Variants in OTUB2 observed in about 807,000 individuals in gnomAD.
OTUB2 encodes the protein OTU deubiquitinase, ubiquitin aldehyde binding 2, also known as ubiquitin thioesterase OTUB2.
A neutral mutation model predicts 25.1 loss-of-function variants in OTUB2; 21 were observed. That is an observed-to-expected ratio of 0.84 (90% CI 0.59 to 1.21). OTUB2 has a LOEUF of 1.21. Ranked by LOEUF, OTUB2 falls within the 50% of genes most tolerant of loss-of-function variation. The probability of loss-of-function intolerance (pLI) is 0.00; values close to 1 mark genes in which losing one functional copy is unlikely to be tolerated. For synonymous variants in OTUB2, 122 were observed against 122.8 expected, an observed-to-expected ratio of 0.99 and a Z score of 0.04; for missense variants, 283 against 298.0, an observed-to-expected ratio of 0.95 and a Z score of 0.37.
At chr14:94,034,136 G>A (rs1296888040) in intron 1 of OTUB2, among the ~76,000 whole-genome samples, 1 of 152,218 alleles carries the variant, frequency 6.6e-6, no homozygotes, top group Admixed American at 6.5e-5. Context: ...GCGATCAGAA[G>A]GCTTGAAGGA....
At chr14:94,039,254 G>C (rs894910137) in intron 3 of OTUB2, 173 bp downstream of exon 3, 58 of 610,262 alleles carry the variant, frequency 9.5e-5, no homozygotes, top group Non-Finnish European at 7.2e-5. Context: ...CTGTGGTGAA[G>C]TTGGGGGCAG....
chr14:94,048,140 A>G lies in OTUB2; in HGVS notation c.*2218A>G, dbSNP rs1453357814. ...TGGCAGGCTTTGGCACCTTGTTAAAATTTCTAGTCATCTGTGGATGTTACC... is the reference window on the plus strand; with the variant it reads ...TGGCAGGCTTTGGCACCTTGTTAAAGTTTCTAGTCATCTGTGGATGTTACC... On this transcript the variant is annotated 3_prime_UTR_variant, in exon 6 of 6. Coordinates refer to ENST00000203664, the MANE Select transcript of OTUB2 (RefSeq NM_023112.4). 6.6e-6 allele frequency: 1 copy of G among 152,140 alleles called. No individual in the cohort carries two copies. The highest frequency in any genetic ancestry group is 2.4e-5 in the African/African-American group (1 of 41,412). 9.4% of individuals were successfully genotyped at this position (152,140 alleles called of 1,614,324 possible). A position where few individuals can be genotyped will look rare whatever the true frequency, so the allele number is the denominator to read the frequency against.
At chr14:94,032,112 C>T (rs954146399) in intron 1 of OTUB2, among the ~76,000 whole-genome samples, 2 of 152,146 alleles carry the variant, frequency 1.3e-5, no homozygotes, top group African/African-American at 4.8e-5. Flanking sequence ...GGACCAACTT[C>T]GGCGGACTTG....
In OTUB2 at chr14:94,044,066, C is replaced by T; in HGVS notation, c.303+11C>T. On this transcript the variant is annotated intron_variant, in intron 4 of 5. Coordinates refer to ENST00000203664, the MANE Select transcript of OTUB2 (RefSeq NM_023112.4). ...AACTTCTTCAATGCTGTGAGTTCAC[C>T]TGGTCCCTCCTTCCACACTGGCAGA... 6.2e-7 allele frequency: 1 copy of T among 1,611,874 alleles called. No individual in the cohort carries two copies. The highest frequency in any genetic ancestry group is 1.1e-5 in the South Asian group (1 of 91,026).
intron 3 of OTUB2, among the ~76,000 whole-genome samples, chr14:94,041,766 C>T (rs12431955): frequency 0.075 from 11,436 of 152,266 alleles, 1,273 homozygotes; most frequent in African/African-American, 0.24. Flanking sequence ...TGCCGCCTGA[C>T]GCTGCCTGGG....
chr14:94,029,180 G>A (rs758287707), intron 1 of OTUB2, among the ~76,000 whole-genome samples: 1 of 152,156 alleles, frequency 6.6e-6, no homozygotes, highest in Non-Finnish European at 1.5e-5. Flanking sequence ...TGACTTGGAC[G>A]ACCTCTCTGA....
intron 3 of OTUB2, among the ~76,000 whole-genome samples, chr14:94,043,652 T>C (rs1356362378): frequency 1.3e-5 from 2 of 151,464 alleles, no homozygotes; most frequent in Admixed American, 1.3e-4. Flanking sequence ...TTCAATATTA[T>C]CATGACTGAG....
intron 3 of OTUB2, among the ~76,000 whole-genome samples, chr14:94,042,498 A>C (rs934680774): frequency 4.1e-5 from 2 of 48,282 alleles, no homozygotes; most frequent in African/African-American, 1.4e-4. Context: ...TGGGGGTGGG[A>C]GGGGGGGCAG....
rs549568683 is a variant in OTUB2 at position 94,042,589 on chromosome 14, C to G, written c.219-1382C>G. 2.5e-4 allele frequency among the ~76,000 whole-genome samples: 38 copies of G among 152,296 alleles called. 1 individual carries two copies. Among genetic ancestry groups the G allele is most frequent in the Non-Finnish European group, 4.4e-4 (30 of 68,006 alleles). On this transcript the variant is annotated intron_variant, in intron 3 of 5. Coordinates refer to ENST00000203664, the MANE Select transcript of OTUB2 (RefSeq NM_023112.4). ...AAGAGGGTGCCGGCCCTTGGAGCAG[C>G]CCTGGAGGACTGCAGCTGCTTCCTG...
At position 94,045,790 on chromosome 14, in the gene OTUB2, G is replaced by T. The variant is rs552429905; in HGVS notation, c.573G>T (p.Leu191=). ...TALSQALSIA[L]QVEYVDEMDT... ...TGTCGCAGGCCCTGAGCATTGCCCT[G>T]CAAGTGGAGTACGTGGACGAGATGG... The change falls in exon 6 of 6, where the codon CTG becomes CTT. Residue 191 remains leucine (L), a synonymous_variant. Transcript: ENST00000203664. The T allele has an allele frequency of 2.5e-6, 4 of 1,614,216 alleles. No individual in the cohort carries two copies. The East Asian group carries it at 8.9e-5, about 36-fold the overall frequency.
intron 3 of OTUB2, among the ~76,000 whole-genome samples, chr14:94,040,659 G>A (rs1885143930): frequency 6.6e-6 from 1 of 152,216 alleles, no homozygotes; most frequent in Non-Finnish European, 1.5e-5. Context: ...ACTCCAGTCA[G>A]CACACACGGG....
chr14:94,038,365 C>T (rs557952774), intron 2 of OTUB2, among the ~76,000 whole-genome samples: 1 of 152,332 alleles, frequency 6.6e-6, no homozygotes, highest in Admixed American at 6.5e-5. Context: ...TGCCAGCTGG[C>T]CTCAGGTGGG....
At position 94,026,541 on chromosome 14, in the gene OTUB2, G is replaced by A. The variant is rs1884863436; in HGVS notation, c.3+1G>A. ...TGGCCTGGCGGCTCTGGTCACTATGGTCAGTGATCGTGGGGGATCGCGAAG... is the reference window on the plus strand; with the variant it reads ...TGGCCTGGCGGCTCTGGTCACTATGATCAGTGATCGTGGGGGATCGCGAAG... On this transcript the variant is annotated splice_donor_variant, in intron 1 of 5. Transcript: ENST00000203664. LOFTEE classifies it high-confidence loss of function. The A allele has an allele frequency of 1.6e-6, 2 of 1,253,302 alleles. No individual in the cohort carries two copies. The highest frequency in any genetic ancestry group is 3.1e-5 in the African/African-American group (2 of 64,404). The allele number at this position is 1,253,302 out of a possible 1,614,324, so 77.6% of individuals were successfully genotyped here. A position where few individuals can be genotyped will look rare whatever the true frequency, so the allele number is the denominator to read the frequency against.
rs1044935552 is a variant in OTUB2, at chr14:94,026,622, C to T, written c.3+82C>T. On this transcript the variant is annotated intron_variant, in intron 1 of 5. Coordinates refer to ENST00000203664, the MANE Select transcript of OTUB2 (RefSeq NM_023112.4). ...GTCGCTGCCGGAGCGGGTGCACCCGCGGGACGGGGGTCGGACGCGAGGCTC... is the reference window on the plus strand; with the variant it reads ...GTCGCTGCCGGAGCGGGTGCACCCGTGGGACGGGGGTCGGACGCGAGGCTC... 3.3e-6 allele frequency: 4 copies of T among 1,203,822 alleles called. No individual in the cohort carries two copies. In the South Asian group the frequency reaches 1.2e-4, roughly 35 times the overall value. The allele number at this position is 1,203,822 out of a possible 1,614,324, so 74.6% of individuals were successfully genotyped here.
chr14:94,042,272 G>GCCCCAGCGGTCTGAACTTGCAC (rs1306935574), intron 3 of OTUB2, among the ~76,000 whole-genome samples: 9 of 152,130 alleles, frequency 5.9e-5, no homozygotes, highest in African/African-American at 1.9e-4. Flanking sequence ...CTTGTGTGCA[G>GCCCCAGCGGTCTGAACTTGCAC]CCCCAGCGGT....
chr14:94,042,777 A>C (rs1271168025), intron 3 of OTUB2, among the ~76,000 whole-genome samples: 1 of 152,198 alleles, frequency 6.6e-6, no homozygotes, highest in African/African-American at 2.4e-5. Context: ...GTACCACTGC[A>C]GTGGAGGCCT....
intron 1 of OTUB2, among the ~76,000 whole-genome samples, chr14:94,026,980 C>T (rs1363677990): frequency 1.3e-5 from 2 of 152,254 alleles, no homozygotes; most frequent in Non-Finnish European, 2.9e-5. Context: ...CTGCCCCAAC[C>T]CCAAGGGAGG....
intron 1 of OTUB2, among the ~76,000 whole-genome samples, chr14:94,033,478 A>T (rs1431925484): frequency 6.6e-6 from 1 of 152,216 alleles, no homozygotes; most frequent in Non-Finnish European, 1.5e-5. Context: ...GACACCCTGC[A>T]GAGGAAATGT....
intron 1 of OTUB2, 26 bp downstream of exon 1, chr14:94,026,566 G>A (rs751524403): frequency 1.6e-4 from 202 of 1,239,400 alleles, no homozygotes; most frequent in Admixed American, 4.2e-4. Context: ...GGATCGCGAA[G>A]GGGGAGCGGG....
Sources: gnomAD v4.1 joint callset for allele counts (sites outside exome capture counted in the v4.1 genomes callset) on GRCh38, gnomAD v4.1.1 for gene constraint, MANE v1.5 for transcripts, NCBI Gene and HGNC (gene_info 2026-07-23, HGNC 2026-07-21) for gene names.